Variants in GRM7 observed in about 807,000 individuals in gnomAD.
GRM7 encodes glutamate metabotropic receptor 7.
Under a neutral mutation model 84.5 loss-of-function variants are expected in GRM7, and 35 were observed. The observed-to-expected ratio is 0.41, with a 90% CI of 0.32 to 0.55. The LOEUF (loss-of-function observed/expected upper bound fraction) is 0.55. Among genes scored for constraint, GRM7 ranks in the 20% least tolerant of loss-of-function variants. The pLI is 0.19. For synonymous variants in GRM7, 487 were observed against 455.1 expected (o/e 1.07, Z -0.89); for missense variants, 1,003 against 1,194.6 (o/e 0.84, Z 2.36).
intron 2 of GRM7, among the ~76,000 whole-genome samples, chr3:7,168,579 G>A (rs906796923): frequency 5.9e-5 from 9 of 152,150 alleles, no homozygotes; most frequent in African/African-American, 1.7e-4. Flanking sequence ...CCAGAACTAT[G>A]AGAAATAAAT....
rs1695753129 is a variant in GRM7 at position 7,020,895 on chromosome 3, A to C, written c.520-125557A>C. Among the ~76,000 whole-genome samples, 3 of 152,192 alleles carry C rather than the reference A, an allele frequency of 2.0e-5. No individual in the cohort carries two copies. The South Asian group carries it at 6.2e-4, about 32-fold the overall frequency. ...TGTAGTTATAATTGAGCTTGATGACAGTCAAGTTACATAATGTAAAGCGGT... is the reference window on the plus strand; with the variant it reads ...TGTAGTTATAATTGAGCTTGATGACCGTCAAGTTACATAATGTAAAGCGGT... On this transcript the variant is annotated intron_variant, in intron 1 of 9. Coordinates refer to ENST00000357716, the MANE Select transcript of GRM7 (RefSeq NM_000844.4).
chr3:7,012,736 A>C (rs1005969146), intron 1 of GRM7, among the ~76,000 whole-genome samples: 3 of 152,082 alleles, frequency 2.0e-5, no homozygotes, highest in African/African-American at 7.2e-5. Context: ...AGTTTCCCCC[A>C]GTTTATTTGT....
chr3:7,683,413 C>T (rs982770011), intron 9 of GRM7, among the ~76,000 whole-genome samples: 2 of 152,102 alleles, frequency 1.3e-5, no homozygotes, highest in Non-Finnish European at 2.9e-5. Context: ...TTTTTCTCAC[C>T]ACCAGCTGGA....
At chr3:6,979,259 G>T (rs1049912231) in intron 1 of GRM7, among the ~76,000 whole-genome samples, 4 of 152,166 alleles carry the variant, frequency 2.6e-5, no homozygotes, top group African/African-American at 9.7e-5. Context: ...GGTCAGCCAT[G>T]ATCATCTCAA....
At chr3:6,946,284 C>T (rs1174826783) in intron 1 of GRM7, among the ~76,000 whole-genome samples, 1 of 152,176 alleles carries the variant, frequency 6.6e-6, no homozygotes, top group Non-Finnish European at 1.5e-5. Context: ...ATATGGCTAG[C>T]CAGTTTTCCC....
At chr3:7,392,879 G>C (rs1010736065) in intron 4 of GRM7, among the ~76,000 whole-genome samples, 1 of 152,184 alleles carries the variant, frequency 6.6e-6, no homozygotes, top group African/African-American at 2.4e-5. Flanking sequence ...GCCTGTTACA[G>C]GGCAGTGGGC....
chr3:7,173,893 T>A (rs1441882171), intron 2 of GRM7, among the ~76,000 whole-genome samples: 1 of 152,250 alleles, frequency 6.6e-6, no homozygotes, highest in African/African-American at 2.4e-5. Flanking sequence ...AGACATTTTT[T>A]ATTTTGCTTT....
chr3:7,483,696 A>G (rs1315633002), intron 7 of GRM7, among the ~76,000 whole-genome samples: 1 of 152,144 alleles, frequency 6.6e-6, no homozygotes, highest in Non-Finnish European at 1.5e-5. Flanking sequence ...ATGGGGGTGA[A>G]AGCAACTGCA....
intron 1 of GRM7, chr3:6,893,814 A>G (rs1339859594): frequency 6.6e-6 from 1 of 152,218 alleles, no homozygotes; most frequent in Non-Finnish European, 1.5e-5. Context: ...TGAAAAATTC[A>G]TCAGACCCTA....
At chr3:7,214,209 A>G (rs1372694442) in intron 2 of GRM7, among the ~76,000 whole-genome samples, 1 of 152,120 alleles carries the variant, frequency 6.6e-6, no homozygotes, top group African/African-American at 2.4e-5. Flanking sequence ...GTCACCTACG[A>G]TGCAATATAA....
chr3:7,171,810 A>T (rs1426934171), intron 2 of GRM7, among the ~76,000 whole-genome samples: 1 of 152,200 alleles, frequency 6.6e-6, no homozygotes, highest in Non-Finnish European at 1.5e-5. Flanking sequence ...ATCAGCACCA[A>T]GTAAATGCCA....
At chr3:7,346,146 A>G (rs1232636304) in intron 4 of GRM7, among the ~76,000 whole-genome samples, 1 of 152,080 alleles carries the variant, frequency 6.6e-6, no homozygotes, top group Non-Finnish European at 1.5e-5. Context: ...GAGAAGGAAA[A>G]TGCTTATTAT....
chr3:7,130,835 A>G (rs1308541305), intron 1 of GRM7, among the ~76,000 whole-genome samples: 1 of 152,190 alleles, frequency 6.6e-6, no homozygotes, highest in Non-Finnish European at 1.5e-5. Context: ...GTTAGATTCT[A>G]GAACAAATCA....
intron 2 of GRM7, among the ~76,000 whole-genome samples, chr3:7,167,774 C>A (rs1252448272): frequency 2.6e-5 from 4 of 151,808 alleles, no homozygotes; most frequent in East Asian, 1.9e-4. Context: ...TTGAGACCAT[C>A]CTGGCTAACA....
chr3:7,088,310 A>G (rs972890168), intron 1 of GRM7, among the ~76,000 whole-genome samples: 1 of 152,166 alleles, frequency 6.6e-6, no homozygotes, highest in African/African-American at 2.4e-5. Context: ...ACTGATTGTA[A>G]AAAGGGGCAA....
intron 2 of GRM7, among the ~76,000 whole-genome samples, chr3:7,205,884 C>A (rs780032614): frequency 5.3e-4 from 81 of 152,176 alleles, no homozygotes; most frequent in Non-Finnish European, 1.1e-3. Context: ...ATTTAAACAA[C>A]CTGGCTCAAA....
intron 4 of GRM7, among the ~76,000 whole-genome samples, chr3:7,367,379 G>T (rs924351191): frequency 5.3e-5 from 8 of 151,380 alleles, no homozygotes; most frequent in Non-Finnish European, 1.0e-4. Context: ...TATTTTGTTT[G>T]TAAGAATGGT....
At chr3:7,663,904 A>G (rs1699569314) in intron 8 of GRM7, among the ~76,000 whole-genome samples, 1 of 152,176 alleles carries the variant, frequency 6.6e-6, no homozygotes, top group Non-Finnish European at 1.5e-5. Context: ...CAGTGGTTTC[A>G]TCCCTACACC....
chr3:7,165,413 A>T (rs1219373087), intron 2 of GRM7, among the ~76,000 whole-genome samples: 1 of 152,234 alleles, frequency 6.6e-6, no homozygotes, highest in East Asian at 1.9e-4. Flanking sequence ...GTGTTTTATC[A>T]CCTGGTGTCT....
Sources: allele counts gnomAD v4.1 joint callset (sites outside exome capture counted in the v4.1 genomes callset), GRCh38; gene constraint gnomAD v4.1.1; transcripts MANE v1.5; gene names NCBI Gene and HGNC (gene_info 2026-07-23, HGNC 2026-07-21).